DCTN4: variants seen among roughly 807,000 people sequenced by gnomAD.
DCTN4 encodes the protein dynactin subunit 4.
In DCTN4, 23 loss-of-function variants were observed where a neutral mutation model predicts 62.7. The ratio of observed to expected loss-of-function variants is 0.37; its 90% CI spans 0.26 to 0.52. The LOEUF (loss-of-function observed/expected upper bound fraction) is 0.52. DCTN4 is among the 20% of genes least tolerant of loss of function. The pLI is 0.92. For synonymous variants in DCTN4, 199 were observed against 202.1 expected (o/e 0.98, Z 0.13); for missense variants, 514 against 580.4 (o/e 0.89, Z 1.18).
In DCTN4 at chr5:150,753,424, C is replaced by T. The variant is rs1032169974; in HGVS notation, c.385+55G>A. The T allele has an allele frequency of 3.3e-6, 5 of 1,497,040 alleles. No individual in the cohort carries two copies. The African/African-American group carries it at 6.9e-5, about 21-fold the overall frequency. The allele number at this position is 1,497,040 out of a possible 1,614,324, so 92.7% of individuals were successfully genotyped here. A position where few individuals can be genotyped will look rare whatever the true frequency, so the allele number is the denominator to read the frequency against. ...GGTTACAGAAATAATAATCTATGGG[C>T]AATTATAGCACTGTCAATTGTACAA... On this transcript the variant is annotated intron_variant, in intron 3 of 12. Transcript: ENST00000447998.
At chr5:150,739,520 A>G (rs1011035150) in intron 4 of DCTN4, among the ~76,000 whole-genome samples, 7 of 152,212 alleles carry the variant, frequency 4.6e-5, no homozygotes, top group African/African-American at 7.2e-5. Flanking sequence ...CAATCTGCAA[A>G]TTCAATGCAA....
At chr5:150,743,469 G>A (rs1380890625) in intron 3 of DCTN4, among the ~76,000 whole-genome samples, 1 of 152,194 alleles carries the variant, frequency 6.6e-6, no homozygotes, top group Non-Finnish European at 1.5e-5. Flanking sequence ...CACGCAGCTG[G>A]AGATCTGAGA....
intron 4 of DCTN4, among the ~76,000 whole-genome samples, chr5:150,740,164 C>G (rs1021449514): frequency 1.3e-5 from 2 of 152,086 alleles, no homozygotes; most frequent in African/African-American, 2.4e-5. Flanking sequence ...TCTTTGCAAA[C>G]TATGCATCCA....
intron 3 of DCTN4, among the ~76,000 whole-genome samples, chr5:150,750,577 G>A (rs1304819063): frequency 1.3e-5 from 2 of 152,146 alleles, no homozygotes; most frequent in Non-Finnish European, 2.9e-5. Context: ...AAGAGAAGAC[G>A]GAATAAGTAA....
chr5:150,730,289 T>C (rs1442881563), intron 8 of DCTN4, among the ~76,000 whole-genome samples: 3 of 152,246 alleles, frequency 2.0e-5, no homozygotes, highest in Non-Finnish European at 4.4e-5. Flanking sequence ...TGCTTTCTTT[T>C]AAATTGATTA....
intron 8 of DCTN4, among the ~76,000 whole-genome samples, chr5:150,727,628 T>A (rs1339553628): frequency 6.6e-6 from 1 of 151,150 alleles, no homozygotes; most frequent in Non-Finnish European, 1.5e-5. Context: ...TACAAAAAAT[T>A]AGCCGGGCGT....
At chr5:150,726,775 G>C (rs1760160132) in intron 8 of DCTN4, among the ~76,000 whole-genome samples, 1 of 152,152 alleles carries the variant, frequency 6.6e-6, no homozygotes, top group Non-Finnish European at 1.5e-5. Context: ...TGAAAAAATA[G>C]TCATTACCCA....
chr5:150,740,692 G>A (rs1320304194), intron 4 of DCTN4, among the ~76,000 whole-genome samples: 2 of 152,146 alleles, frequency 1.3e-5, no homozygotes, highest in Non-Finnish European at 2.9e-5. Context: ...TATGTGGTAT[G>A]TATACACCAT....
At chr5:150,731,320 G>A (rs759672212) in intron 6 of DCTN4, 96 bp downstream of exon 6, 21 of 1,149,434 alleles carry the variant, frequency 1.8e-5, no homozygotes, top group Non-Finnish European at 2.7e-5. Context: ...CTTTTCCATT[G>A]ACAACTGTGT....
At chr5:150,712,935 T>C (rs1270821029) in intron 12 of DCTN4, among the ~76,000 whole-genome samples, 3 of 152,234 alleles carry the variant, frequency 2.0e-5, no homozygotes, top group Non-Finnish European at 4.4e-5. Context: ...ATGTAAAATA[T>C]AATTAATTCA....
At position 150,744,533 on chromosome 5, in the gene DCTN4, C is replaced by T. The variant is rs187312611; in HGVS notation, c.386-2376G>A. On this transcript the variant is annotated intron_variant, in intron 3 of 12. Coordinates refer to ENST00000447998, the MANE Select transcript of DCTN4 (RefSeq NM_016221.4). ...ATGAAAGAAAAAACTTAAAGGGCAG[C>T]CAGAGAGAAAGGTCAGGTTACCCAC... Among the ~76,000 whole-genome samples, 6 of 152,242 alleles carry T rather than the reference C, an allele frequency of 3.9e-5. No individual in the cohort carries two copies. In the East Asian group the frequency reaches 1.2e-3, roughly 29 times the overall value.
At chr5:150,748,101 AC>A (rs1471256610) in intron 3 of DCTN4, among the ~76,000 whole-genome samples, 3 of 152,170 alleles carry the variant, frequency 2.0e-5, no homozygotes, top group Non-Finnish European at 4.4e-5. Context: ...CAAGAAAAAA[AC>A]AACCTCATCA....
At chr5:150,750,970 G>A (rs1442623248) in intron 3 of DCTN4, among the ~76,000 whole-genome samples, 9 of 152,102 alleles carry the variant, frequency 5.9e-5, no homozygotes, top group Admixed American at 5.9e-4. Flanking sequence ...TGCAAGAAAT[G>A]GCAGAAATAA....
intron 9 of DCTN4, among the ~76,000 whole-genome samples, chr5:150,720,740 A>T (rs929316880): frequency 6.6e-6 from 1 of 152,150 alleles, no homozygotes; most frequent in African/African-American, 2.4e-5. Context: ...TGGCCTCCCC[A>T]AATGTTGAGA....
chr5:150,758,495 C>T (rs1752944497), intron 1 of DCTN4: 1 of 999,046 alleles, frequency 1.0e-6, no homozygotes, highest in South Asian at 4.2e-5. Context: ...TCCCTCCATC[C>T]TCGCAATAAA....
At position 150,731,163 on chromosome 5, in the gene DCTN4, A is replaced by G. The variant is rs376698684; in HGVS notation, c.612-7T>C. On this transcript the variant is annotated splice_region_variant and splice_polypyrimidine_tract_variant and intron_variant, in intron 6 of 12. Transcript: ENST00000447998. ...ATCCTCTCCTTCTTTAAGGCTGAAA[A>G]ATTAAAAAAACAAAACAAAACAAAA... 142 of 1,581,700 alleles carry G rather than the reference A, an allele frequency of 9.0e-5. 2 individuals are homozygous for G. The African/African-American group carries it at 1.8e-3, about 20-fold the overall frequency.
chr5:150,713,740 G>A (rs1759656651), intron 12 of DCTN4, among the ~76,000 whole-genome samples: 1 of 151,676 alleles, frequency 6.6e-6, no homozygotes, highest in Admixed American at 6.6e-5. Flanking sequence ...CACCACACCT[G>A]GCTTCACTTT....
chr5:150,715,322 A>G (rs1019520424), intron 12 of DCTN4, among the ~76,000 whole-genome samples: 4 of 152,236 alleles, frequency 2.6e-5, no homozygotes, highest in African/African-American at 9.6e-5. Flanking sequence ...AATGATCCCA[A>G]TGAGGTGAGA....
Position 150,710,036 on chromosome 5 carries a change from T to C in DCTN4, c.*1113A>G, listed in dbSNP as rs1457494343. 6.6e-6 allele frequency: 1 copy of C among 152,372 alleles called. No individual in the cohort carries two copies. The highest frequency in any genetic ancestry group is 2.4e-5 in the African/African-American group (1 of 41,464). The allele number at this position is 152,372 out of a possible 1,614,324, so 9.4% of individuals were successfully genotyped here. A position where few individuals can be genotyped will look rare whatever the true frequency, so the allele number is the denominator to read the frequency against. ...GTGGGCTACTTGCTGAACTATTTTA[T>C]GGTTTACAATCAAAATGGTCTTATT... On this transcript the variant is annotated 3_prime_UTR_variant, in exon 13 of 13. Transcript: ENST00000447998.
Sources: gnomAD v4.1 joint callset for allele counts (sites outside exome capture counted in the v4.1 genomes callset) on GRCh38, gnomAD v4.1.1 for gene constraint, MANE v1.5 for transcripts, NCBI Gene and HGNC (gene_info 2026-07-23, HGNC 2026-07-21) for gene names.